Variants in PCCB observed in about 807,000 individuals in gnomAD.
PCCB encodes the protein propionyl-CoA carboxylase beta chain, mitochondrial.
Under a neutral mutation model 60.7 loss-of-function variants are expected in PCCB, and 43 were observed. The observed-to-expected ratio is 0.71, with a 90% CI of 0.55 to 0.91. The LOEUF (loss-of-function observed/expected upper bound fraction) is 0.91. PCCB is among the 40% of genes least tolerant of loss of function. The pLI, the probability that PCCB is intolerant of heterozygous loss-of-function variation, is 0.00. For missense variants in PCCB, 766 were observed against 702.8 expected (o/e 1.09, Z -1.02); for synonymous variants, 276 against 255.9 (o/e 1.08, Z -0.75).
intron 3 of PCCB, among the ~76,000 whole-genome samples, chr3:136,259,515 T>G (rs1167126821): frequency 6.6e-6 from 1 of 152,182 alleles, no homozygotes; most frequent in Non-Finnish European, 1.5e-5. Flanking sequence ...ACAGAAGTGC[T>G]TGACTGTTTG....
At chr3:136,323,330 T>G (rs928703864) in intron 10 of PCCB, among the ~76,000 whole-genome samples, 1 of 152,234 alleles carries the variant, frequency 6.6e-6, no homozygotes, top group African/African-American at 2.4e-5. Context: ...TATCTTCATA[T>G]TCTCTGATCT....
At chr3:136,277,608 G>T (rs1178368076) in intron 5 of PCCB, among the ~76,000 whole-genome samples, 2 of 151,898 alleles carry the variant, frequency 1.3e-5, no homozygotes, top group African/African-American at 2.4e-5. Context: ...TATGAGGGTT[G>T]GGGGGGCGGT....
intron 10 of PCCB, among the ~76,000 whole-genome samples, chr3:136,319,311 CA>C (rs1483287877): frequency 6.6e-6 from 1 of 150,830 alleles, no homozygotes. Flanking sequence ...TAAACTCTTA[CA>C]TTTGACTTAC....
At chr3:136,293,949 A>G (rs1933819402) in intron 7 of PCCB, 85 bp downstream of exon 7, 1 of 807,732 alleles carries the variant, frequency 1.2e-6, no homozygotes. Flanking sequence ...TTTTTAAGAA[A>G]TATTACTTAA....
At chr3:136,304,274 C>T (rs1429397653) in intron 9 of PCCB, among the ~76,000 whole-genome samples, 1 of 120,098 alleles carries the variant, frequency 8.3e-6, no homozygotes, top group African/African-American at 2.5e-5. Context: ...CCCACTTCAG[C>T]CTCCTGAGTA....
chr3:136,255,446 G>A (rs1185389991), intron 1 of PCCB: 1 of 288,032 alleles, frequency 3.5e-6, no homozygotes, highest in Non-Finnish European at 6.7e-6. Flanking sequence ...GGTCTCCCTA[G>A]AAAAAACCTG....
At chr3:136,296,171 T>A (rs897695369) in intron 7 of PCCB, among the ~76,000 whole-genome samples, 1 of 152,256 alleles carries the variant, frequency 6.6e-6, no homozygotes, top group African/African-American at 2.4e-5. Context: ...TAAAATACAT[T>A]CAGAGTTGGA....
chr3:136,264,448 G>GTGTATATATATATATATATATATA (rs1015530159), intron 5 of PCCB, among the ~76,000 whole-genome samples: 6 of 107,290 alleles, frequency 5.6e-5, no homozygotes, highest in African/African-American at 1.8e-4. Context: ...GTGTATATAT[G>GTGTATATATATATATATATATATA]TATATATATA....
At chr3:136,315,911 TTATA>T (rs144372137) in intron 9 of PCCB, among the ~76,000 whole-genome samples, 1 of 150,702 alleles carries the variant, frequency 6.6e-6, no homozygotes, top group Non-Finnish European at 1.5e-5. Flanking sequence ...TCTTATGTGT[TTATA>T]TATATATAAA....
intron 5 of PCCB, among the ~76,000 whole-genome samples, chr3:136,266,372 A>G (rs545922939): frequency 6.9e-4 from 102 of 148,424 alleles, no homozygotes; most frequent in African/African-American, 2.5e-3. Context: ...CAAACGATCC[A>G]TCTGCCTTGG....
At chr3:136,318,763 G>C (rs1242508557) in intron 10 of PCCB, among the ~76,000 whole-genome samples, 1 of 151,782 alleles carries the variant, frequency 6.6e-6, no homozygotes, top group Non-Finnish European at 1.5e-5. Flanking sequence ...TTTTATGGCT[G>C]AATAATATTA....
chr3:136,298,484 C>CT (rs1222755894), intron 8 of PCCB, among the ~76,000 whole-genome samples: 1 of 152,090 alleles, frequency 6.6e-6, no homozygotes, highest in Non-Finnish European at 1.5e-5. Context: ...CTATACCTGG[C>CT]TTTTTTCTGT....
At chr3:136,252,116 A>G (rs1941533515) in intron 1 of PCCB, among the ~76,000 whole-genome samples, 1 of 151,546 alleles carries the variant, frequency 6.6e-6, no homozygotes, top group African/African-American at 2.4e-5. Flanking sequence ...GCCTGACCTC[A>G]AGTGATTCAC....
At chr3:136,268,051 T>G (rs2108156880) in intron 5 of PCCB, among the ~76,000 whole-genome samples, 1 of 99,068 alleles carries the variant, frequency 1.0e-5, no homozygotes, top group Non-Finnish European at 2.2e-5. Context: ...ACCTGGCTAG[T>G]GTGTGTGTGT....
intron 1 of PCCB, among the ~76,000 whole-genome samples, chr3:136,253,451 C>G (rs953261685): frequency 6.6e-6 from 1 of 151,582 alleles, no homozygotes; most frequent in South Asian, 2.1e-4. Context: ...GTGGAGTGAT[C>G]GTGGCTCACT....
At chr3:136,252,950 T>C (rs886965948) in intron 1 of PCCB, among the ~76,000 whole-genome samples, 9 of 151,674 alleles carry the variant, frequency 5.9e-5, no homozygotes, top group Admixed American at 4.6e-4. Context: ...TTTGGCTACT[T>C]TCCTAAGGGG....
intron 6 of PCCB, among the ~76,000 whole-genome samples, chr3:136,286,619 T>C (rs1034950707): frequency 2.0e-5 from 3 of 152,212 alleles, no homozygotes; most frequent in African/African-American, 7.2e-5. Context: ...CTTTAGAATA[T>C]AATCCACAAT....
In PCCB at chr3:136,277,594, C is replaced by G. The variant is rs565933081; in HGVS notation, c.544-6243C>G. 3.3e-5 allele frequency among the ~76,000 whole-genome samples: 5 copies of G among 152,068 alleles called. No homozygotes were observed. In the South Asian group the frequency reaches 8.3e-4, roughly 25 times the overall value. ...TCTCCATGTGTGGGGAAAGCCGTGG[C>G]TCCTATGAGGGTTGGGGGGGCGGTT... On this transcript the variant is annotated intron_variant, in intron 5 of 14. Coordinates refer to ENST00000251654, the MANE Select transcript of PCCB (RefSeq NM_000532.5).
In PCCB at chr3:136,303,803, C is replaced by T. The variant is rs1934368173; in HGVS notation, c.966+2692C>T. Among the ~76,000 whole-genome samples, 2 of 121,562 alleles carry T rather than the reference C, an allele frequency of 1.6e-5. 1 individual carries two copies. Among genetic ancestry groups the T allele is most frequent in the Non-Finnish European group, 3.7e-5 (2 of 54,628 alleles). The allele number at this position is 121,562 out of a possible 152,430, so 79.7% of individuals were successfully genotyped here. A position where few individuals can be genotyped will look rare whatever the true frequency, so the allele number is the denominator to read the frequency against. On this transcript the variant is annotated intron_variant, in intron 9 of 14. Transcript: ENST00000251654. Reference sequence around the variant, plus strand: ...ACTTTTAGTAGAGACACGGTTTCGCCATGTTGGCCAGGCTGGTCTTGAACT... The same window carrying T: ...ACTTTTAGTAGAGACACGGTTTCGCTATGTTGGCCAGGCTGGTCTTGAACT...
Sources: allele counts gnomAD v4.1 joint callset (sites outside exome capture counted in the v4.1 genomes callset), GRCh38; gene constraint gnomAD v4.1.1; transcripts MANE v1.5; gene names NCBI Gene and HGNC (gene_info 2026-07-23, HGNC 2026-07-21).